Variants in MAN2A1 observed in about 807,000 individuals in gnomAD.
MAN2A1 encodes alpha-mannosidase 2.
In MAN2A1, 76 loss-of-function variants were observed where a neutral mutation model predicts 142.6. The observed-to-expected ratio is 0.53, with a 90% CI of 0.44 to 0.65. The LOEUF (loss-of-function observed/expected upper bound fraction) is 0.65, where lower values mean the gene tolerates loss of function less well. Ranked by LOEUF, MAN2A1 falls within the 30% of genes least tolerant of loss-of-function variation. MAN2A1 has a pLI of 0.00. For missense variants in MAN2A1, 1,311 were observed against 1,365.1 expected, an observed-to-expected ratio of 0.96 and a Z score of 0.62; for synonymous variants, 559 against 473.2, an observed-to-expected ratio of 1.18 and a Z score of -2.35.
intron 16 of MAN2A1, among the ~76,000 whole-genome samples, chr5:109,836,360 C>T (rs1215866578): frequency 6.6e-6 from 1 of 151,992 alleles, no homozygotes; most frequent in Non-Finnish European, 1.5e-5. Flanking sequence ...ACATGATCCA[C>T]CCACCTCGGC....
intron 19 of MAN2A1, among the ~76,000 whole-genome samples, chr5:109,850,741 G>A (rs1049131128): frequency 1.3e-5 from 2 of 152,140 alleles, no homozygotes; most frequent in African/African-American, 4.8e-5. Flanking sequence ...TGACTTAGAA[G>A]TGAAATAATT....
intron 3 of MAN2A1, among the ~76,000 whole-genome samples, chr5:109,721,456 AGTTTGTGTGTGTGT>A (rs892039840): frequency 1.3e-5 from 2 of 152,002 alleles, no homozygotes; most frequent in African/African-American, 2.4e-5. Context: ...GTGTGTTTGT[AGTTTGTGTGTGTGT>A]GTTTGTGTGT....
intron 4 of MAN2A1, among the ~76,000 whole-genome samples, chr5:109,748,015 A>G (rs1227669301): frequency 1.3e-5 from 2 of 152,200 alleles, no homozygotes; most frequent in African/African-American, 4.8e-5. Flanking sequence ...ATCTTTTAGT[A>G]AAGTCTGTTA....
At chr5:109,709,511 C>T (rs1751235805) in intron 1 of MAN2A1, among the ~76,000 whole-genome samples, 1 of 152,178 alleles carries the variant, frequency 6.6e-6, no homozygotes. Context: ...TTCAGCCATG[C>T]TGGAAGGATC....
intron 5 of MAN2A1, among the ~76,000 whole-genome samples, chr5:109,761,462 A>G (rs943480928): frequency 3.9e-5 from 6 of 152,064 alleles, no homozygotes; most frequent in South Asian, 2.1e-4. Flanking sequence ...ATAGCCGTCT[A>G]TCAATACTGT....
intron 12 of MAN2A1, among the ~76,000 whole-genome samples, chr5:109,807,736 T>C (rs989609779): frequency 1.3e-5 from 2 of 152,186 alleles, no homozygotes; most frequent in East Asian, 3.8e-4. Flanking sequence ...TTTTCTGCCA[T>C]ATAAGGTAGC....
At chr5:109,812,777 A>G (rs1038348175) in intron 12 of MAN2A1, among the ~76,000 whole-genome samples, 3 of 152,178 alleles carry the variant, frequency 2.0e-5, no homozygotes, top group Admixed American at 1.3e-4. Context: ...GAAATAATCA[A>G]AATGGAACTG....
rs1751368239 is a variant in MAN2A1, at chr5:109,713,672, A to G, written c.288A>G (p.Gln96=). 2.5e-6 allele frequency: 4 copies of G among 1,614,236 alleles called. No individual in the cohort carries two copies. The highest frequency in any genetic ancestry group is 1.7e-6 in the Non-Finnish European group (2 of 1,180,030). The change falls in exon 2 of 22, where the codon CAA becomes CAG. Residue 96 remains glutamine (Q), a synonymous_variant. Coordinates refer to ENST00000261483, the MANE Select transcript of MAN2A1 (RefSeq NM_002372.4). ...GPKSSQSNFS[Q]GAGSHLLPSQ... ...AAAGTTCACAAAGCAATTTCAGCCA[A>G]GGTGCTGGCTCACATCTTCTGCCCT... is the stretch of plus-strand genomic sequence containing the variant.
At chr5:109,738,615 C>A (rs954272779) in intron 4 of MAN2A1, among the ~76,000 whole-genome samples, 1 of 152,040 alleles carries the variant, frequency 6.6e-6, no homozygotes, top group African/African-American at 2.4e-5. Context: ...CTTCTCTATA[C>A]CTCAGTTTCT....
At chr5:109,705,399 T>C (rs1751101970) in intron 1 of MAN2A1, among the ~76,000 whole-genome samples, 1 of 152,156 alleles carries the variant, frequency 6.6e-6, no homozygotes, top group Non-Finnish European at 1.5e-5. Context: ...ACTCCTTTAT[T>C]CAAAGTTAGG....
chr5:109,777,054 T>C (rs562558734), intron 8 of MAN2A1, among the ~76,000 whole-genome samples: 1 of 152,296 alleles, frequency 6.6e-6, no homozygotes, highest in Admixed American at 6.5e-5. Context: ...TAAGTCTGCT[T>C]TGAATATTTT....
intron 16 of MAN2A1, among the ~76,000 whole-genome samples, chr5:109,831,676 C>T (rs1262568766): frequency 6.6e-6 from 1 of 152,120 alleles, no homozygotes; most frequent in African/African-American, 2.4e-5. Flanking sequence ...CTGTCGGAAA[C>T]TTCACATCAT....
At chr5:109,817,867 A>G (rs1042752665) in intron 13 of MAN2A1, among the ~76,000 whole-genome samples, 2 of 152,180 alleles carry the variant, frequency 1.3e-5, no homozygotes, top group African/African-American at 2.4e-5. Context: ...CAAAGGTGAC[A>G]TAACACACCA....
At chr5:109,734,159 T>C (rs1752011116) in intron 4 of MAN2A1, among the ~76,000 whole-genome samples, 1 of 151,768 alleles carries the variant, frequency 6.6e-6, no homozygotes, top group Non-Finnish European at 1.5e-5. Context: ...TAGAGGTGTT[T>C]GTAGTATTCT....
chr5:109,808,961 C>T (rs921226079), intron 12 of MAN2A1, among the ~76,000 whole-genome samples: 4 of 152,006 alleles, frequency 2.6e-5, no homozygotes, highest in African/African-American at 9.7e-5. Context: ...CCTCGGCCTC[C>T]CAAAGTGCTA....
chr5:109,862,229 G>A (rs1469891078), intron 20 of MAN2A1: 1 of 152,144 alleles, frequency 6.6e-6, no homozygotes, highest in Non-Finnish European at 1.5e-5. Flanking sequence ...TCATTGGTCT[G>A]ATCCAGCTTT....
intron 17 of MAN2A1, among the ~76,000 whole-genome samples, chr5:109,843,404 C>A (rs1443282519): frequency 6.6e-6 from 1 of 152,154 alleles, no homozygotes; most frequent in Non-Finnish European, 1.5e-5. Flanking sequence ...CCCACCAGGT[C>A]TCTCTCTCAA....
chr5:109,808,038 A>G (rs757302611), intron 12 of MAN2A1, among the ~76,000 whole-genome samples: 2 of 152,198 alleles, frequency 1.3e-5, no homozygotes, highest in African/African-American at 4.8e-5. Flanking sequence ...TGTAATGACT[A>G]AAAGACAACC....
At chr5:109,816,827 G>C (rs1351337963) in intron 12 of MAN2A1, among the ~76,000 whole-genome samples, 1 of 152,096 alleles carries the variant, frequency 6.6e-6, no homozygotes, top group Non-Finnish European at 1.5e-5. Flanking sequence ...CATTTGTAAA[G>C]CATTAATTCT....
Sources: allele counts gnomAD v4.1 joint callset (sites outside exome capture counted in the v4.1 genomes callset), GRCh38; gene constraint gnomAD v4.1.1; transcripts MANE v1.5; gene names NCBI Gene and HGNC (gene_info 2026-07-23, HGNC 2026-07-21).